STKLD1: variants seen among roughly 807,000 people sequenced by gnomAD.
STKLD1 encodes the protein serine/threonine kinase like domain containing 1.
In STKLD1, 79 loss-of-function variants were observed where a neutral mutation model predicts 80.4. The observed-to-expected ratio is 0.98, with a 90% confidence interval of 0.82 to 1.19. STKLD1 has a LOEUF of 1.19. Ranked by LOEUF, STKLD1 falls within the 50% of genes most tolerant of loss-of-function variation. STKLD1 has a pLI of 0.00. For synonymous variants in STKLD1, 393 were observed against 357.6 expected, an observed-to-expected ratio of 1.10 and a Z score of -1.12; for missense variants, 841 against 856.0, an observed-to-expected ratio of 0.98 and a Z score of 0.22.
intron 1 of STKLD1, among the ~76,000 whole-genome samples, chr9:133,377,887 C>G (rs2130255868): frequency 6.6e-6 from 1 of 152,162 alleles, no homozygotes; most frequent in Non-Finnish European, 1.5e-5. Context: ...AGCTTGTTTT[C>G]TTGCAACTAG....
chr9:133,391,332 C>T (rs1838392585), intron 7 of STKLD1, among the ~76,000 whole-genome samples: 1 of 150,544 alleles, frequency 6.6e-6, no homozygotes, highest in Admixed American at 6.6e-5. Flanking sequence ...TGAGGAGCCC[C>T]TCTGCCCGGC....
rs1299699487 is a variant in STKLD1 at position 133,390,223 on chromosome 9, ACACACACACACACACACACACACACAC to A, written c.468-457_468-431del. On this transcript the variant is annotated intron_variant, in intron 6 of 17. Transcript: ENST00000371957. This position sits in a 1 kb window ranked among gnomAD's most constrained non-coding sequence, Gnocchi z 5.1. ...CACACACACACACACACACACACAC[ACACACACACACACACACACACACACAC>A]ACCACGCAGACCATACGTACAAAGG... Among the ~76,000 whole-genome samples the A allele has an allele frequency of 6.8e-5, 10 of 147,560 alleles. No individual in the cohort carries two copies. Among genetic ancestry groups the A allele is most frequent in the African/African-American group, 2.6e-4 (10 of 37,916 alleles).
At chr9:133,382,828 T>C (rs1487322122) in intron 2 of STKLD1, among the ~76,000 whole-genome samples, 1 of 122,580 alleles carries the variant, frequency 8.2e-6, no homozygotes, top group African/African-American at 3.1e-5. Flanking sequence ...GTGGCATTGA[T>C]GGTTTGATGG....
chr9:133,385,773 A>C lies in STKLD1; in HGVS notation c.294+82A>C, dbSNP rs1588740369. 1.4e-5 allele frequency: 18 copies of C among 1,295,216 alleles called. No homozygotes were observed. Among genetic ancestry groups the C allele is most frequent in the Non-Finnish European group, 2.0e-5 (18 of 904,756 alleles). 80.2% of individuals were successfully genotyped at this position (1,295,216 alleles called of 1,614,324 possible). A position where few individuals can be genotyped will look rare whatever the true frequency, so the allele number is the denominator to read the frequency against. On this transcript the variant is annotated intron_variant, in intron 4 of 17. Transcript: ENST00000371957. This position sits in a 1 kb window ranked among gnomAD's most constrained non-coding sequence, Gnocchi z 4.9. ...AGCAGACTGAGCCCAGAGCACGCCC[A>C]CCCCCCACTGTCAGAATAGCTCGTG...
chr9:133,398,000 C>T lies in STKLD1; in HGVS notation c.1026C>T (p.Pro342=), dbSNP rs781823944. 22 of 1,613,446 alleles carry T rather than the reference C, an allele frequency of 1.4e-5. No individual in the cohort carries two copies. In the Admixed American group the frequency reaches 2.3e-4, roughly 17 times the overall value. ...TCATGCAGAAATTCTCTGGCTGGCC[C>T]GAAGTCCAGCTCAGGGCCATGAAGA... ...LEVMQKFSGW[P]EVQLRAMKRL... is the part of the protein sequence containing the mutation. Residue 342 remains proline, a synonymous_variant, in exon 11 of 18, where the codon CCC becomes CCT. Transcript: ENST00000371957.
rs1838818114 is a variant in STKLD1 at position 133,405,176 on chromosome 9, C to G, written c.1874-76C>G. The G allele has an allele frequency of 2.0e-6, 3 of 1,507,252 alleles. No individual in the cohort carries two copies. In the African/African-American group the frequency reaches 4.2e-5, roughly 21 times the overall value. 93.4% of individuals were successfully genotyped at this position (1,507,252 alleles called of 1,614,324 possible). On this transcript the variant is annotated intron_variant, in intron 17 of 17. Coordinates refer to ENST00000371957, the MANE Select transcript of STKLD1 (RefSeq NM_153710.5). ...CAAGCCCAAGGGGGAATGTGACCCA[C>G]TCTCATCCTTCTGGGGCTTCTGGCA...
rs2130279630 is a variant in STKLD1, at chr9:133,387,456, C to G, written c.304C>G (p.Leu102Val). ...FITWNGEISS[L>V]YLCLVMEFNE... ...CCTCCTGTCCCAGCAGATCTCTTCT[C>G]TGTACCTCTGCCTGGTGATGGAGTT... Residue 102 changes from leucine to valine, a missense_variant, in exon 5 of 18, where the codon CTG becomes GTG. Transcript: ENST00000371957. 1.9e-6 allele frequency: 3 copies of G among 1,613,870 alleles called. No individual in the cohort carries two copies. In the Admixed American group the frequency reaches 5.0e-5, roughly 27 times the overall value.
intron 12 of STKLD1, 144 bp from the exon 13 acceptor site, chr9:133,401,594 G>T (rs973056159): frequency 5.8e-6 from 6 of 1,037,752 alleles, no homozygotes; most frequent in Non-Finnish European, 6.7e-6. Context: ...ATTCATGGAG[G>T]CCTGCTCTGG....
In STKLD1 at chr9:133,384,139, C is replaced by T; in HGVS notation, c.219+239C>T. On this transcript the variant is annotated intron_variant, in intron 3 of 17. Transcript: ENST00000371957. The surrounding 1 kb of genome is among the most constrained non-coding windows in gnomAD (Gnocchi z 4.3). ...ACTTAGAACATATGTTCCCAGAGAA[C>T]ATAAAATTTAAATATTGGGCTGGGC... 4 of 534,968 alleles carry T rather than the reference C, an allele frequency of 7.5e-6. No individual in the cohort carries two copies. The highest frequency in any genetic ancestry group is 1.3e-5 in the Non-Finnish European group (4 of 299,838). 33.1% of individuals were successfully genotyped at this position (534,968 alleles called of 1,614,324 possible).
Position 133,394,359 on chromosome 9 carries a change from T to G in STKLD1, c.652T>G (p.Trp218Gly), listed in dbSNP as rs781845197. 3.1e-6 allele frequency: 5 copies of G among 1,613,908 alleles called. No individual in the cohort carries two copies. In the South Asian group the frequency reaches 5.5e-5, roughly 18 times the overall value. ...CTCCTTCAGCCAGAAATCAGACATC[T>G]GGTCCCTGGGCTGCATCATTCTGGA... ...NFSFSQKSDI[W>G]SLGCIILDMT... The change falls in exon 8 of 18, where the codon TGG (tryptophan) becomes GGG (glycine). Residue 218 changes from tryptophan to glycine, a missense_variant. Physicochemically the swap from Trp to Gly is radical, Grantham distance 184. Coordinates refer to ENST00000371957, the MANE Select transcript of STKLD1 (RefSeq NM_153710.5). This position sits in a 1 kb window ranked among gnomAD's most constrained non-coding sequence, Gnocchi z 4.9.
At position 133,397,952 on chromosome 9, in the gene STKLD1, C is replaced by G. The variant is rs587707438; in HGVS notation, c.998-20C>G. 6.2e-7 allele frequency: 1 copy of G among 1,607,074 alleles called. No individual in the cohort carries two copies. The highest frequency in any genetic ancestry group is 1.1e-5 in the South Asian group (1 of 90,610). ...CCTGGTCCTCAGAAAGGTCCCTCCCCTGCCTTCCTGTCCCTGCAGAGGTCA... is the reference window on the plus strand; with the variant it reads ...CCTGGTCCTCAGAAAGGTCCCTCCCGTGCCTTCCTGTCCCTGCAGAGGTCA... On this transcript the variant is annotated intron_variant, in intron 10 of 17. Coordinates refer to ENST00000371957, the MANE Select transcript of STKLD1 (RefSeq NM_153710.5).
At chr9:133,392,611 A>ATGGG (rs1410506440) in intron 7 of STKLD1, among the ~76,000 whole-genome samples, 1 of 76,680 alleles carries the variant, frequency 1.3e-5, no homozygotes, top group Non-Finnish European at 2.5e-5. Flanking sequence ...GGGTGGATGG[A>ATGGG]TGGATGGATG....
intron 13 of STKLD1, 66 bp downstream of exon 13, chr9:133,401,944 AGGGTTGGTTTG>A: frequency 6.3e-7 from 1 of 1,587,390 alleles, no homozygotes; most frequent in Non-Finnish European, 8.6e-7. Flanking sequence ...GGGTCTTGGA[AGGGTTGGTTTG>A]GGGTATAGGT....
chr9:133,394,492 C>G lies in STKLD1; in HGVS notation c.702+83C>G. 1.0e-6 allele frequency: 1 copy of G among 975,078 alleles called. No individual in the cohort carries two copies. The highest frequency in any genetic ancestry group is 1.6e-6 in the Non-Finnish European group (1 of 606,888). The allele number at this position is 975,078 out of a possible 1,614,324, so 60.4% of individuals were successfully genotyped here. On this transcript the variant is annotated intron_variant, in intron 8 of 17. Transcript: ENST00000371957. The surrounding 1 kb of genome is among the most constrained non-coding windows in gnomAD (Gnocchi z 4.9). ...GGGAAAAGGCTTGGCCTCACCCTGC[C>G]TCCCCTCTGCATCCCTTCCCCTGGC...
Position 133,384,019 on chromosome 9 carries a change from C to T in STKLD1, c.219+119C>T, listed in dbSNP as rs1211013978. 2.0e-6 allele frequency: 2 copies of T among 1,001,724 alleles called. No individual in the cohort carries two copies. The highest frequency in any genetic ancestry group is 1.6e-5 in the African/African-American group (1 of 63,198). 62.1% of individuals were successfully genotyped at this position (1,001,724 alleles called of 1,614,324 possible). On this transcript the variant is annotated intron_variant, in intron 3 of 17. Transcript: ENST00000371957. This position sits in a 1 kb window ranked among gnomAD's most constrained non-coding sequence, Gnocchi z 4.3. The stretch of plus-strand genomic sequence containing the variant: ...AAGGCTGGAGGGAGGGATAGAGCAT[C>T]AGCACCAGTTTTGCCTCAGCTGTGA...
At position 133,405,124 on chromosome 9, in the gene STKLD1, G is replaced by A. The variant is rs954598802; in HGVS notation, c.1874-128G>A. 8.0e-5 allele frequency: 106 copies of A among 1,331,422 alleles called. No individual in the cohort carries two copies. In the African/African-American group the frequency reaches 8.4e-4, roughly 11 times the overall value. The allele number at this position is 1,331,422 out of a possible 1,614,324, so 82.5% of individuals were successfully genotyped here. ...GGCTGAGGGTGACGCTTGGGGCTCCGGAACTGCAAGGTGGCTCTGTGCATG... is the reference window on the plus strand; with the variant it reads ...GGCTGAGGGTGACGCTTGGGGCTCCAGAACTGCAAGGTGGCTCTGTGCATG... On this transcript the variant is annotated intron_variant, in intron 17 of 17. Transcript: ENST00000371957.
At chr9:133,391,740 A>G (rs1239122546) in intron 7 of STKLD1, among the ~76,000 whole-genome samples, 1 of 151,836 alleles carries the variant, frequency 6.6e-6, no homozygotes, top group Non-Finnish European at 1.5e-5. Context: ...TAGGAAAACC[A>G]GAGACCTTTG....
intron 11 of STKLD1, 53 bp from the exon 12 acceptor site, chr9:133,400,360 A>G: frequency 7.1e-7 from 1 of 1,417,188 alleles, no homozygotes; most frequent in South Asian, 1.1e-5. Flanking sequence ...TCGGGTCTAT[A>G]TGCCCCCGAT....
rs1837943292 is a variant in STKLD1 at position 133,376,375 on chromosome 9, G to C, written c.-99G>C. ...CGCGGGAGGGACGCCTGAGTGCCTCGAGGGCGCCGTTCGGGCGGGGAGGAT... is the reference window on the plus strand; with the variant it reads ...CGCGGGAGGGACGCCTGAGTGCCTCCAGGGCGCCGTTCGGGCGGGGAGGAT... On this transcript the variant is annotated 5_prime_UTR_variant, in exon 1 of 18. Transcript: ENST00000371957. 7.1e-7 allele frequency: 1 copy of C among 1,411,764 alleles called. No homozygotes were observed. Among genetic ancestry groups the C allele is most frequent in the Non-Finnish European group, 9.3e-7 (1 of 1,074,168 alleles). 87.5% of individuals were successfully genotyped at this position (1,411,764 alleles called of 1,614,324 possible). A position where few individuals can be genotyped will look rare whatever the true frequency, so the allele number is the denominator to read the frequency against.
Sources: gnomAD v4.1 joint callset for allele counts (sites outside exome capture counted in the v4.1 genomes callset) on GRCh38, gnomAD v4.1.1 for gene constraint, Gnocchi (gnomAD v3.1) non-coding constraint, MANE v1.5 for transcripts, NCBI Gene and HGNC (gene_info 2026-07-23, HGNC 2026-07-21) for gene names.